OCA2: variants seen among roughly 807,000 people sequenced by gnomAD.
OCA2 encodes the protein P protein.
In OCA2, 77 loss-of-function variants were observed where a neutral mutation model predicts 100.2. The observed-to-expected ratio is 0.77, with a 90% CI of 0.64 to 0.93. The LOEUF is 0.93. Ranked by LOEUF, OCA2 falls within the 40% of genes least tolerant of loss-of-function variation. The pLI is 0.00. For missense variants in OCA2, 1,062 were observed against 1,089.1 expected (o/e 0.98, Z 0.35); for synonymous variants, 432 against 439.2 (o/e 0.98, Z 0.21).
intron 18 of OCA2, chr15:27,950,710 G>C: frequency 3.2e-6 from 1 of 316,882 alleles, no homozygotes; most frequent in Non-Finnish European, 6.3e-6. Context: ...AAGAGAAAAG[G>C]AAGACCAACT....
intron 9 of OCA2, 150 bp downstream of exon 9, chr15:28,014,626 A>T: frequency 1.2e-6 from 1 of 844,008 alleles, no homozygotes; most frequent in Non-Finnish European, 1.9e-6. Context: ...CTTTCTACCT[A>T]GAGAGAGGGA....
intron 18 of OCA2, among the ~76,000 whole-genome samples, chr15:27,937,590 C>A (rs1334631077): frequency 6.6e-6 from 1 of 152,180 alleles, no homozygotes; most frequent in East Asian, 1.9e-4. Flanking sequence ...TTTTTCTAAC[C>A]ATTTAGGTGT....
chr15:27,914,745 C>T (rs1039246081), intron 19 of OCA2, among the ~76,000 whole-genome samples: 8 of 152,142 alleles, frequency 5.3e-5, no homozygotes, highest in African/African-American at 1.7e-4. Context: ...TTTCCATGCT[C>T]ATGGATAAGA....
intron 2 of OCA2, among the ~76,000 whole-genome samples, chr15:28,057,670 G>A (rs1165728155): frequency 3.3e-5 from 5 of 152,052 alleles, no homozygotes; most frequent in Non-Finnish European, 2.9e-5. Context: ...TCGAGCACTC[G>A]CTTGGCCAGG....
intron 21 of OCA2, among the ~76,000 whole-genome samples, chr15:27,867,045 G>A (rs980431345): frequency 3.3e-5 from 5 of 152,186 alleles, no homozygotes; most frequent in African/African-American, 7.2e-5. Context: ...GTGGGCAGCC[G>A]CCCCCCATTC....
chr15:27,815,073 G>A (rs1369085103), intron 23 of OCA2, among the ~76,000 whole-genome samples: 10 of 152,158 alleles, frequency 6.6e-5, no homozygotes, highest in Non-Finnish European at 1.3e-4. Flanking sequence ...CTGGAGGGCT[G>A]TGGGAAGGGC....
intron 23 of OCA2, among the ~76,000 whole-genome samples, chr15:27,791,785 C>A (rs1595416438): frequency 1.3e-5 from 2 of 152,324 alleles, no homozygotes; most frequent in Admixed American, 1.3e-4. Flanking sequence ...ACTAGACACA[C>A]TACGGGGTTG....
chr15:27,874,843 G>T (rs1198959847), intron 19 of OCA2, among the ~76,000 whole-genome samples: 2 of 152,146 alleles, frequency 1.3e-5, no homozygotes, highest in East Asian at 3.9e-4. Context: ...AAATTGACTA[G>T]TCAAGAAAAC....
chr15:27,825,492 C>T (rs1376512507), intron 23 of OCA2, among the ~76,000 whole-genome samples: 1 of 152,058 alleles, frequency 6.6e-6, no homozygotes, highest in African/African-American at 2.4e-5. Context: ...CTGGGAGTGG[C>T]GGGGAGAGGG....
intron 23 of OCA2, among the ~76,000 whole-genome samples, chr15:27,832,794 T>C (rs982642466): frequency 6.6e-6 from 1 of 151,906 alleles, no homozygotes; most frequent in East Asian, 1.9e-4. Flanking sequence ...TTTAATACAC[T>C]GACTATTCAT....
rs752888326 is a variant in OCA2 at position 27,851,447 on chromosome 15, T to C, written c.2273A>G (p.Asp758Gly). ...MIPVLLNLSH[D>G]PEVGLPAPPL... The stretch of plus-strand genomic sequence containing the variant: ...CGGTGCGGGCAGGCCAACCTCAGGG[T>C]CGTGGCTCAGGTTCAGGAGCACGGG... Residue 758 changes from aspartate (D) to glycine (G), a missense_variant, in exon 22 of 24, where the codon GAC (aspartate) becomes GGC (glycine). By Grantham distance (94) the Asp-to-Gly change is moderately conservative. Coordinates refer to ENST00000354638, the MANE Select transcript of OCA2 (RefSeq NM_000275.3). 2 of 1,613,746 alleles carry C rather than the reference T, an allele frequency of 1.2e-6. No individual in the cohort carries two copies. Among genetic ancestry groups the C allele is most frequent in the Non-Finnish European group, 1.7e-6 (2 of 1,179,926 alleles).
chr15:27,982,210 TA>T (rs1432148510), intron 14 of OCA2, among the ~76,000 whole-genome samples: 2 of 152,238 alleles, frequency 1.3e-5, no homozygotes, highest in Non-Finnish European at 2.9e-5. Flanking sequence ...ACCAAAATAT[TA>T]AAAGAATTTA....
chr15:27,980,887 T>C (rs1413110955), intron 14 of OCA2, among the ~76,000 whole-genome samples: 3 of 152,204 alleles, frequency 2.0e-5, no homozygotes, highest in Admixed American at 6.5e-5. Context: ...TCTGGCTTCA[T>C]TGAACTTCTT....
intron 14 of OCA2, 49 bp from the exon 15 acceptor site, chr15:27,966,871 C>T (rs377059908): frequency 1.7e-5 from 26 of 1,570,658 alleles, no homozygotes; most frequent in Non-Finnish European, 2.0e-5. Flanking sequence ...CATGGTGGCT[C>T]ACGCCTGTAA....
intron 19 of OCA2, among the ~76,000 whole-genome samples, chr15:27,877,698 C>T (rs79224883): frequency 0.016 from 2,392 of 152,020 alleles, 56 homozygotes; most frequent in African/African-American, 0.05. Context: ...AATTTAAAAG[C>T]ATGTCCCATA....
At position 27,986,600 on chromosome 15, in the gene OCA2, T is replaced by C. The variant is rs376863406; in HGVS notation, c.1226A>G (p.Tyr409Cys). Reference protein sequence around the residue: ...AIFSETGFFDYCAVKAYRLSR... With the variant: ...AIFSETGFFDCCAVKAYRLSR... ...CATCATACCTACCTTTACAGCACAA[T>C]AATCGAAAAATCCCGTTTCTGAAAA... The change falls in exon 12 of 24, where the codon TAT (tyrosine) becomes TGT (cysteine). Residue 409 changes from tyrosine (Y) to cysteine (C), a missense_variant. Physicochemically the swap from Tyr to Cys is radical, Grantham distance 194 (BLOSUM62 -2). Coordinates refer to ENST00000354638, the MANE Select transcript of OCA2 (RefSeq NM_000275.3). 3.7e-5 allele frequency: 58 copies of C among 1,586,888 alleles called. No individual in the cohort carries two copies. The highest frequency in any genetic ancestry group is 1.7e-4 in the Middle Eastern group (1 of 6,032).
chr15:28,081,556 T>G, intron 2 of OCA2, 92 bp downstream of exon 2: 1 of 1,329,556 alleles, frequency 7.5e-7, no homozygotes, highest in South Asian at 1.3e-5. Context: ...TTTCTGGAAA[T>G]TTTTCCCACA....
At chr15:27,990,999 C>T (rs2041539512) in intron 9 of OCA2, among the ~76,000 whole-genome samples, 1 of 152,222 alleles carries the variant, frequency 6.6e-6, no homozygotes, top group African/African-American at 2.4e-5. Context: ...CAACATAAAT[C>T]AATTCCTCCC....
chr15:27,884,521 A>T (rs2037147596), intron 19 of OCA2, among the ~76,000 whole-genome samples: 3 of 152,238 alleles, frequency 2.0e-5, no homozygotes. Context: ...AAGATAAAGT[A>T]AGTTAAATGA....
Sources: gnomAD v4.1 joint callset for allele counts (sites outside exome capture counted in the v4.1 genomes callset) on GRCh38, gnomAD v4.1.1 for gene constraint, MANE v1.5 for transcripts, NCBI Gene and HGNC (gene_info 2026-07-23, HGNC 2026-07-21) for gene names.